The following ERBB4 variants were observed in gnomAD, a reference collection of about 807,000 sequenced individuals.
The protein encoded by ERBB4 is receptor tyrosine-protein kinase erbB-4.
ERBB4 carries 42 observed loss-of-function variants against 158.0 expected under a neutral mutation model. That is an observed-to-expected ratio of 0.27 (90% CI 0.21 to 0.34). ERBB4 has a LOEUF of 0.34. Among genes scored for constraint, ERBB4 ranks in the 10% least tolerant of loss-of-function variants. The pLI is 1.00. For synonymous variants in ERBB4, 583 were observed against 558.7 expected (o/e 1.04, Z -0.61); for missense variants, 1,333 against 1,624.1 (o/e 0.82, Z 3.08).
intron 9 of ERBB4, among the ~76,000 whole-genome samples, chr2:211,709,410 A>G (rs572210334): frequency 1.4e-4 from 22 of 151,782 alleles, no homozygotes; most frequent in African/African-American, 5.3e-4. Flanking sequence ...GAACCTCACT[A>G]GATAGAACAT....
intron 3 of ERBB4, among the ~76,000 whole-genome samples, chr2:211,852,042 C>T (rs2077733464): frequency 6.6e-6 from 1 of 151,880 alleles, no homozygotes; most frequent in Admixed American, 6.6e-5. Context: ...TCACTATTGT[C>T]ATTATCTGTA....
In ERBB4 at chr2:212,443,129, A is replaced by G. The variant is rs780137564; in HGVS notation, c.82+95320T>C. On this transcript the variant is annotated intron_variant, in intron 1 of 27. Transcript: ENST00000342788. ...CTGTCCGTAAGGCCCACCAGAAGCAATTTTCTTTCAGCTGGCAAGGCCAGC... is the reference window on the plus strand; with the variant it reads ...CTGTCCGTAAGGCCCACCAGAAGCAGTTTTCTTTCAGCTGGCAAGGCCAGC... Among the ~76,000 whole-genome samples the G allele has an allele frequency of 8.2e-4, 125 of 152,226 alleles. 1 individual carries two copies. The highest frequency in any genetic ancestry group is 3.8e-4 in the Non-Finnish European group (26 of 68,002).
In ERBB4 at chr2:212,142,054, C is replaced by T. The variant is rs1294947327; in HGVS notation, c.83-17151G>A. ...TGTTTCACTTACTCAGATCTGGCCA[C>T]AGGGGCCACCTTACTTGTCTTTGAA... On this transcript the variant is annotated intron_variant, in intron 1 of 27. Coordinates refer to ENST00000342788, the MANE Select transcript of ERBB4 (RefSeq NM_005235.3). Among the ~76,000 whole-genome samples, 3 of 152,282 alleles carry T rather than the reference C, an allele frequency of 2.0e-5. No individual in the cohort carries two copies. The East Asian group carries it at 5.8e-4, about 29-fold the overall frequency.
rs761527541 is a variant in ERBB4 at position 211,947,560 on chromosome 2, C to T, written c.291G>A (p.Leu97=). The change falls in exon 3 of 28, where the codon CTG becomes CTA. Residue 97 remains leucine (L), a synonymous_variant. Coordinates refer to ENST00000342788, the MANE Select transcript of ERBB4 (RefSeq NM_005235.3). ...GAATAATGCGTAAATTCTCCAGAGG[C>T]AGGTAACGAAACTGATTAAGAGCCA... ...VLVALNQFRY[L]PLENLRIIRG... is the part of the protein sequence containing the mutation. 8.7e-6 allele frequency: 14 copies of T among 1,613,690 alleles called. No homozygotes were observed. The highest frequency in any genetic ancestry group is 1.2e-5 in the Non-Finnish European group (14 of 1,179,906).
intron 3 of ERBB4, among the ~76,000 whole-genome samples, chr2:211,929,301 T>C (rs1034547634): frequency 6.6e-6 from 1 of 151,536 alleles, no homozygotes; most frequent in African/African-American, 2.4e-5. Context: ...GAGAATATGA[T>C]TGCATAGTTC....
At chr2:211,436,719 T>C (rs1335904485) in intron 20 of ERBB4, among the ~76,000 whole-genome samples, 1 of 152,218 alleles carries the variant, frequency 6.6e-6, no homozygotes, top group African/African-American at 2.4e-5. Context: ...TGTTTGCAAA[T>C]GATGATACAT....
intron 22 of ERBB4, among the ~76,000 whole-genome samples, 165 bp downstream of exon 22, chr2:211,428,243 A>AAAATAAAATAT (rs1553530918): frequency 6.8e-6 from 1 of 147,724 alleles, no homozygotes; most frequent in African/African-American, 2.5e-5. Context: ...AAAATAAAAT[A>AAAATAAAATAT]TTTTTTTTTC....
intron 4 of ERBB4, among the ~76,000 whole-genome samples, chr2:211,786,592 A>C (rs1345937575): frequency 6.6e-6 from 1 of 152,240 alleles, no homozygotes; most frequent in Non-Finnish European, 1.5e-5. Flanking sequence ...GTGAAAGTGC[A>C]GCAAACCCCT....
At chr2:212,185,328 G>A (rs2081986987) in intron 1 of ERBB4, among the ~76,000 whole-genome samples, 1 of 150,580 alleles carries the variant, frequency 6.6e-6, no homozygotes, top group Admixed American at 6.6e-5. Flanking sequence ...AGCCAACACA[G>A]TTATTTGTTC....
rs557246904 is a variant in ERBB4, at chr2:211,395,802, C to T, written c.3136-7810G>A. The stretch of plus-strand genomic sequence containing the variant: ...GAGATATGTTATCTAAACACTCTAC[C>T]TATAAAAGCCAGTTATTAAAAATCG... On this transcript the variant is annotated intron_variant, in intron 25 of 27. Transcript: ENST00000342788. Among the ~76,000 whole-genome samples, 7 of 152,048 alleles carry T rather than the reference C, an allele frequency of 4.6e-5. No individual in the cohort carries two copies. In the East Asian group the frequency reaches 1.2e-3, roughly 25 times the overall value.
chr2:212,153,062 A>G (rs955730158), intron 1 of ERBB4, among the ~76,000 whole-genome samples: 20 of 152,208 alleles, frequency 1.3e-4, no homozygotes, highest in Non-Finnish European at 2.5e-4. Flanking sequence ...ATGACAAAGA[A>G]TAAAATCATT....
intron 1 of ERBB4, among the ~76,000 whole-genome samples, chr2:212,186,940 T>A (rs1275246194): frequency 6.6e-6 from 1 of 152,154 alleles, no homozygotes; most frequent in East Asian, 1.9e-4. Flanking sequence ...GAACTAAGTT[T>A]TAAATTTGCC....
At chr2:212,038,739 T>C (rs2077072225) in intron 2 of ERBB4, among the ~76,000 whole-genome samples, 1 of 152,154 alleles carries the variant, frequency 6.6e-6, no homozygotes, top group South Asian at 2.1e-4. Context: ...ATGGATAATA[T>C]TGCTTAGCTA....
At chr2:212,343,998 C>T (rs558636845) in intron 1 of ERBB4, among the ~76,000 whole-genome samples, 1 of 152,010 alleles carries the variant, frequency 6.6e-6, no homozygotes, top group Non-Finnish European at 1.5e-5. Flanking sequence ...GCAAACCCTG[C>T]ATATTCTGTC....
chr2:212,407,106 C>T (rs1233152071), intron 1 of ERBB4, among the ~76,000 whole-genome samples: 1 of 151,568 alleles, frequency 6.6e-6, no homozygotes, highest in Non-Finnish European at 1.5e-5. Context: ...GACTGTTAAG[C>T]TTATCACACA....
chr2:212,200,569 C>T (rs1521649), intron 1 of ERBB4, among the ~76,000 whole-genome samples: 58,719 of 151,944 alleles, frequency 0.39, 13,196 homozygotes, highest in East Asian at 0.76. Context: ...TTGTAAAAAG[C>T]TTGGAACACT....
At chr2:211,487,368 A>G (rs923740823) in intron 20 of ERBB4, among the ~76,000 whole-genome samples, 3 of 143,480 alleles carry the variant, frequency 2.1e-5, no homozygotes, top group East Asian at 2.2e-4. Context: ...ATTAAAATAA[A>G]TAAAAAAATA....
At chr2:211,476,926 G>T (rs932278297) in intron 20 of ERBB4, among the ~76,000 whole-genome samples, 12 of 152,054 alleles carry the variant, frequency 7.9e-5, no homozygotes, top group Admixed American at 7.9e-4. Context: ...AAAGGAAAAA[G>T]AGTGCAGGGA....
chr2:211,579,938 A>T (rs988877913), intron 19 of ERBB4, among the ~76,000 whole-genome samples: 1 of 152,188 alleles, frequency 6.6e-6, no homozygotes, highest in African/African-American at 2.4e-5. Flanking sequence ...AAACCTGCAC[A>T]TGTAGCCCAG....
Sources: allele counts gnomAD v4.1 joint callset (sites outside exome capture counted in the v4.1 genomes callset), GRCh38; gene constraint gnomAD v4.1.1; transcripts MANE v1.5; gene names NCBI Gene and HGNC (gene_info 2026-07-23, HGNC 2026-07-21).